Variants in AGTPBP1 observed in about 807,000 individuals in gnomAD.
The protein encoded by AGTPBP1 is cytosolic carboxypeptidase 1.
AGTPBP1 carries 70 observed loss-of-function variants against 143.9 expected under a neutral mutation model. The observed-to-expected ratio is 0.49, with a 90% CI of 0.40 to 0.59. The LOEUF is 0.59. AGTPBP1 is among the 20% of genes least tolerant of loss of function. The pLI, the probability that AGTPBP1 is intolerant of heterozygous loss-of-function variation, is 0.00. For missense variants in AGTPBP1, 1,229 were observed against 1,464.5 expected (o/e 0.84, Z 2.62); for synonymous variants, 463 against 500.2 (o/e 0.93, Z 0.99).
chr9:85,787,591 C>A, the AGTPBP1 span, among the ~76,000 whole-genome samples: 1 of 151,942 alleles, frequency 6.6e-6, no homozygotes, highest in South Asian at 2.1e-4. Context: ...ATATAATGTA[C>A]AATTTAGTTT....
rs941582366 is a variant in AGTPBP1, at chr9:85,578,769, ATTC to A, written c.3342+148_3342+150del. On this transcript the variant is annotated intron_variant, in intron 24 of 25. Transcript: ENST00000357081. The stretch of plus-strand genomic sequence containing the variant: ...CCAACAAAACAAAAAATAAAAACCT[ATTC>A]TTAAGACTGCATATGATTCCATTAT... The A allele has an allele frequency of 9.7e-5, 73 of 749,750 alleles. No homozygotes were observed. The African/African-American group carries it at 1.2e-3, about 13-fold the overall frequency. 46.4% of individuals were successfully genotyped at this position (749,750 alleles called of 1,614,324 possible). A position where few individuals can be genotyped will look rare whatever the true frequency, so the allele number is the denominator to read the frequency against.
intron 2 of AGTPBP1, among the ~76,000 whole-genome samples, chr9:85,708,393 C>G (rs1421602186): frequency 6.6e-6 from 1 of 152,132 alleles, no homozygotes; most frequent in Non-Finnish European, 1.5e-5. Context: ...TCACTGGTTC[C>G]AGGGATTAAG....
At chr9:85,583,454 C>A (rs967398754) in intron 23 of AGTPBP1, among the ~76,000 whole-genome samples, 3 of 152,074 alleles carry the variant, frequency 2.0e-5, no homozygotes, top group East Asian at 3.9e-4. Flanking sequence ...CCTGACGTAA[C>A]TAATTACACA....
chr9:85,748,293 C>A, the AGTPBP1 span, among the ~76,000 whole-genome samples: 7,871 of 152,150 alleles, frequency 0.052, 652 homozygotes, highest in African/African-American at 0.18. Flanking sequence ...TTCTTCTCTT[C>A]CTGATTGCTT....
chr9:85,719,974 CG>C (rs1196580751), intron 1 of AGTPBP1, among the ~76,000 whole-genome samples: 1 of 152,078 alleles, frequency 6.6e-6, no homozygotes, highest in African/African-American at 2.4e-5. Flanking sequence ...TATTGATTTG[CG>C]TATGTTGAAC....
At chr9:85,720,282 G>C (rs921952977) in intron 1 of AGTPBP1, among the ~76,000 whole-genome samples, 1 of 152,116 alleles carries the variant, frequency 6.6e-6, no homozygotes, top group Non-Finnish European at 1.5e-5. Flanking sequence ...CTGTGAATCC[G>C]TCTGGTCCCG....
At chr9:85,790,892 A>G in the AGTPBP1 span, among the ~76,000 whole-genome samples, 1 of 152,222 alleles carries the variant, frequency 6.6e-6, no homozygotes, top group African/African-American at 2.4e-5. Context: ...AGAAAATTAA[A>G]TATTTTTTTA....
chr9:85,741,564 GC>G, intron 1 of AGTPBP1: 1 of 985,416 alleles, frequency 1.0e-6, no homozygotes, highest in Non-Finnish European at 1.2e-6. Context: ...CCCAGTCAAA[GC>G]CCCACCCCGT....
At chr9:85,735,074 G>A (rs1303690728) in intron 1 of AGTPBP1, among the ~76,000 whole-genome samples, 2 of 152,128 alleles carry the variant, frequency 1.3e-5, no homozygotes, top group African/African-American at 4.8e-5. Context: ...GCAAGGTCTT[G>A]AAGAGATGTT....
chr9:85,583,273 T>C (rs528627158), intron 23 of AGTPBP1, among the ~76,000 whole-genome samples: 3 of 152,302 alleles, frequency 2.0e-5, no homozygotes, highest in South Asian at 4.1e-4. Context: ...TTTGTTGTAG[T>C]CTGCTATAAC....
At chr9:85,781,492 C>T in the AGTPBP1 span, 1 of 1,091,736 alleles carries the variant, frequency 9.2e-7, no homozygotes, top group African/African-American at 1.7e-5. Context: ...CTATTTGTCT[C>T]TGTAAACAAA....
intron 18 of AGTPBP1, 138 bp from the exon 19 acceptor site, chr9:85,592,842 A>T (rs924763512): frequency 3.3e-5 from 32 of 960,768 alleles, no homozygotes; most frequent in Non-Finnish European, 4.6e-5. Flanking sequence ...ACCCTATTTT[A>T]AAAAAACTTA....
intron 25 of AGTPBP1, among the ~76,000 whole-genome samples, chr9:85,559,526 C>T (rs995634618): frequency 2.0e-5 from 3 of 150,462 alleles, no homozygotes; most frequent in African/African-American, 7.4e-5. Context: ...AGGAATAACA[C>T]AGGGTGGTCA....
upstream of AGTPBP1, among the ~76,000 whole-genome samples, chr9:85,743,500 G>A (rs1824508417): frequency 6.6e-6 from 1 of 152,204 alleles, no homozygotes. Flanking sequence ...CCCTGGGAAT[G>A]TGACATCACT....
chr9:85,623,897 C>A (rs1441698921), intron 14 of AGTPBP1, among the ~76,000 whole-genome samples: 1 of 152,066 alleles, frequency 6.6e-6, no homozygotes, highest in East Asian at 1.9e-4. Flanking sequence ...CCAGTCAAAA[C>A]AAATAGTCTA....
intron 1 of AGTPBP1, among the ~76,000 whole-genome samples, chr9:85,728,777 A>G (rs1198083845): frequency 6.8e-6 from 1 of 146,518 alleles, no homozygotes; most frequent in Non-Finnish European, 1.5e-5. Context: ...GCCAATCAGA[A>G]AAAAAAAAAA....
the AGTPBP1 span, among the ~76,000 whole-genome samples, chr9:85,763,548 C>G: frequency 6.6e-6 from 1 of 151,014 alleles, no homozygotes; most frequent in East Asian, 1.9e-4. Flanking sequence ...GATAGTTCAC[C>G]TATGAATAAC....
intron 11 of AGTPBP1, among the ~76,000 whole-genome samples, chr9:85,649,287 A>G (rs1193380951): frequency 6.6e-6 from 1 of 152,208 alleles, no homozygotes; most frequent in Non-Finnish European, 1.5e-5. Flanking sequence ...AGGACTGGGA[A>G]AGTACATCAC....
chr9:85,792,322 T>C, the AGTPBP1 span: 1 of 152,252 alleles, frequency 6.6e-6, no homozygotes, highest in Non-Finnish European at 1.5e-5. Flanking sequence ...TTATAACTAT[T>C]AAAGTCAAAG....
Sources: allele counts gnomAD v4.1 joint callset (sites outside exome capture counted in the v4.1 genomes callset), GRCh38; gene constraint gnomAD v4.1.1; transcripts MANE v1.5; gene names NCBI Gene and HGNC (gene_info 2026-07-23, HGNC 2026-07-21).